PLPPR1: variants seen among roughly 807,000 people sequenced by gnomAD.
PLPPR1 encodes the protein phospholipid phosphatase-related protein type 1.
PLPPR1 carries 10 observed loss-of-function variants against 33.1 expected under a neutral mutation model. The ratio of observed to expected loss-of-function variants is 0.30; its 90% CI spans 0.19 to 0.51. The LOEUF (loss-of-function observed/expected upper bound fraction) is 0.51, where lower values mean the gene tolerates loss of function less well. Among genes scored for constraint, PLPPR1 ranks in the 20% least tolerant of loss-of-function variants. The pLI, the probability that PLPPR1 is intolerant of heterozygous loss-of-function variation, is 0.97. For synonymous variants in PLPPR1, 151 were observed against 151.0 expected (o/e 1.00, Z 0.00); for missense variants, 304 against 408.1 (o/e 0.74, Z 2.20).
chr9:101,113,080 G>A (rs994429103), intron 1 of PLPPR1, among the ~76,000 whole-genome samples: 4 of 152,172 alleles, frequency 2.6e-5, no homozygotes, highest in African/African-American at 9.7e-5. Context: ...ACCCTCAACC[G>A]TGGCTGTGTT....
intron 2 of PLPPR1, among the ~76,000 whole-genome samples, chr9:101,219,057 G>A (rs180858803): frequency 2.0e-5 from 3 of 152,258 alleles, no homozygotes; most frequent in Admixed American, 6.5e-5. Context: ...TTTTTAAACC[G>A]GCCATGTCAT....
intron 1 of PLPPR1, among the ~76,000 whole-genome samples, chr9:101,107,804 C>A (rs1235186415): frequency 1.4e-5 from 2 of 146,900 alleles, no homozygotes; most frequent in Non-Finnish European, 3.0e-5. Flanking sequence ...CAGCGAGATT[C>A]CGTGGGCGTA....
At chr9:101,301,690 A>T (rs1021562561) in intron 4 of PLPPR1, among the ~76,000 whole-genome samples, 1 of 152,222 alleles carries the variant, frequency 6.6e-6, no homozygotes, top group African/African-American at 2.4e-5. Flanking sequence ...TTATTTTTGA[A>T]GCACAATATA....
At chr9:101,191,053 G>A (rs1328141478) in intron 2 of PLPPR1, among the ~76,000 whole-genome samples, 3 of 152,144 alleles carry the variant, frequency 2.0e-5, no homozygotes, top group African/African-American at 7.2e-5. Flanking sequence ...AAATAGGATA[G>A]TGATTTTAAA....
intron 1 of PLPPR1, among the ~76,000 whole-genome samples, chr9:101,052,020 C>T (rs1830228688): frequency 6.6e-6 from 1 of 152,132 alleles, no homozygotes; most frequent in East Asian, 1.9e-4. Context: ...ATTCAAATAT[C>T]TGCTTTATTG....
Position 101,269,929 on chromosome 9 carries a change from C to G in PLPPR1, c.113C>G (p.Thr38Ser), listed in dbSNP as rs769782936. ...TVLLAYYFEC[T>S]DTFQVHIQGF... ...CTGCTTGCCTACTACTTCGAATGCACTGACACTTTTCAGGTGCATATCCAA... is the reference window on the plus strand; with the variant it reads ...CTGCTTGCCTACTACTTCGAATGCAGTGACACTTTTCAGGTGCATATCCAA... The change falls in exon 3 of 8, where the codon ACT becomes AGT. Residue 38 changes from threonine to serine, a missense_variant. Physicochemically the swap from Thr to Ser is moderately conservative, Grantham distance 58. Transcript: ENST00000374874. The G allele has an allele frequency of 1.2e-6, 2 of 1,614,192 alleles. No individual in the cohort carries two copies. Among genetic ancestry groups the G allele is most frequent in the South Asian group, 2.2e-5 (2 of 91,084 alleles).
chr9:101,175,703 T>C (rs1826009178), intron 1 of PLPPR1, among the ~76,000 whole-genome samples: 1 of 152,182 alleles, frequency 6.6e-6, no homozygotes, highest in South Asian at 2.1e-4. Context: ...AATGAATAAA[T>C]TATATGGCTT....
At chr9:101,087,603 A>G (rs1417765417) in intron 1 of PLPPR1, among the ~76,000 whole-genome samples, 1 of 152,224 alleles carries the variant, frequency 6.6e-6, no homozygotes, top group Non-Finnish European at 1.5e-5. Context: ...ACCAATGTAG[A>G]CTGGGTTGAA....
intron 3 of PLPPR1, among the ~76,000 whole-genome samples, chr9:101,273,405 A>C (rs1046577118): frequency 6.6e-6 from 1 of 152,212 alleles, no homozygotes; most frequent in African/African-American, 2.4e-5. Flanking sequence ...TGACTCCTAC[A>C]GGGCATGTGG....
At chr9:101,172,094 G>T (rs1825950454) in intron 1 of PLPPR1, among the ~76,000 whole-genome samples, 1 of 151,832 alleles carries the variant, frequency 6.6e-6, no homozygotes, top group Non-Finnish European at 1.5e-5. Flanking sequence ...TCATTTTATT[G>T]TGAACCAACC....
intron 1 of PLPPR1, among the ~76,000 whole-genome samples, chr9:101,178,362 G>A (rs904012544): frequency 2.0e-5 from 3 of 152,206 alleles, no homozygotes; most frequent in African/African-American, 4.8e-5. Context: ...ATTCCTTGGG[G>A]TGGCAGGTTG....
chr9:101,064,834 T>C (rs1474693439), intron 1 of PLPPR1, among the ~76,000 whole-genome samples: 3 of 151,994 alleles, frequency 2.0e-5, no homozygotes, highest in Non-Finnish European at 4.4e-5. Flanking sequence ...GGGAGTCTCA[T>C]GGAAAGGGGG....
chr9:101,108,364 G>A (rs1167832042), intron 1 of PLPPR1, among the ~76,000 whole-genome samples: 4 of 152,208 alleles, frequency 2.6e-5, no homozygotes, highest in Non-Finnish European at 4.4e-5. Flanking sequence ...ATTCCTGACT[G>A]ATAGCATAGA....
intron 1 of PLPPR1, among the ~76,000 whole-genome samples, chr9:101,067,427 T>C (rs1207153146): frequency 6.6e-6 from 1 of 152,010 alleles, no homozygotes; most frequent in African/African-American, 2.4e-5. Flanking sequence ...CCCTCAAGAA[T>C]ATTGTATTGA....
intron 1 of PLPPR1, among the ~76,000 whole-genome samples, chr9:101,176,721 C>A (rs1263291295): frequency 2.0e-5 from 3 of 152,270 alleles, no homozygotes; most frequent in African/African-American, 7.2e-5. Context: ...TGACATTCCG[C>A]CTCTACCCAC....
chr9:101,231,315 G>A (rs185035647), intron 2 of PLPPR1, among the ~76,000 whole-genome samples: 1 of 150,436 alleles, frequency 6.6e-6, no homozygotes, highest in East Asian at 1.9e-4. Flanking sequence ...GAGAGCAGTG[G>A]GAACCATCTG....
intron 1 of PLPPR1, among the ~76,000 whole-genome samples, chr9:101,169,191 T>C (rs1165898254): frequency 6.6e-6 from 1 of 152,168 alleles, no homozygotes; most frequent in African/African-American, 2.4e-5. Flanking sequence ...TGTGTCTGTG[T>C]GTCTGTGTGC....
At chr9:101,172,435 AATT>A (rs1265566285) in intron 1 of PLPPR1, among the ~76,000 whole-genome samples, 5 of 151,906 alleles carry the variant, frequency 3.3e-5, no homozygotes, top group Non-Finnish European at 7.4e-5. Context: ...TTTCATGCTC[AATT>A]ATTATTCAGT....
chr9:101,322,344 T>A (rs950993566), intron 7 of PLPPR1: 1 of 151,850 alleles, frequency 6.6e-6, no homozygotes, highest in Non-Finnish European at 1.5e-5. Context: ...AGACAAGACT[T>A]TAGGTTTGCA....
Sources: gnomAD v4.1 joint callset for allele counts (sites outside exome capture counted in the v4.1 genomes callset) on GRCh38, gnomAD v4.1.1 for gene constraint, MANE v1.5 for transcripts, NCBI Gene and HGNC (gene_info 2026-07-23, HGNC 2026-07-21) for gene names.